Variants in RBMS2 observed in about 807,000 individuals in gnomAD.
RBMS2 encodes the protein RNA-binding motif, single-stranded-interacting protein 2.
A neutral mutation model predicts 58.4 loss-of-function variants in RBMS2; 38 were observed. That is an observed-to-expected ratio of 0.65 (90% CI 0.50 to 0.85). The LOEUF is 0.85. Among genes scored for constraint, RBMS2 ranks in the 40% least tolerant of loss-of-function variants. The pLI, the probability that RBMS2 is intolerant of heterozygous loss-of-function variation, is 0.00. For synonymous variants in RBMS2, 151 were observed against 180.7 expected (o/e 0.84, Z 1.32); for missense variants, 367 against 503.7 (o/e 0.73, Z 2.60).
intron 1 of RBMS2, among the ~76,000 whole-genome samples, chr12:56,542,705 T>C (rs1363853114): frequency 1.3e-5 from 2 of 151,374 alleles, no homozygotes; most frequent in Non-Finnish European, 2.9e-5. Flanking sequence ...CACACCACTA[T>C]GTTAGGCTAA....
chr12:56,536,504 C>G (rs929887228), intron 1 of RBMS2, among the ~76,000 whole-genome samples: 2 of 149,184 alleles, frequency 1.3e-5, no homozygotes, highest in Admixed American at 6.8e-5. Context: ...TCTTTTCCTT[C>G]CTTCCTTCCT....
intron 1 of RBMS2, among the ~76,000 whole-genome samples, chr12:56,542,025 A>G (rs955750455): frequency 1.3e-5 from 2 of 150,212 alleles, no homozygotes; most frequent in African/African-American, 4.9e-5. Context: ...TTCCATTTTC[A>G]CTTATTAGAT....
chr12:56,545,438 G>A (rs557283249), intron 1 of RBMS2, among the ~76,000 whole-genome samples: 1 of 152,224 alleles, frequency 6.6e-6, no homozygotes, highest in Admixed American at 6.5e-5. Flanking sequence ...ACAGTTTAAA[G>A]TTCACACATC....
intron 12 of RBMS2, 161 bp from the exon 13 acceptor site, chr12:56,588,771 G>C: frequency 1.4e-6 from 1 of 697,802 alleles, no homozygotes. Context: ...CTGTAGGAAG[G>C]TTGGGGAAGT....
At chr12:56,523,307 G>A (rs902247464) in intron 1 of RBMS2, among the ~76,000 whole-genome samples, 9 of 152,126 alleles carry the variant, frequency 5.9e-5, no homozygotes, top group Non-Finnish European at 1.2e-4. Flanking sequence ...TGATAAAGTT[G>A]TACTGTATAT....
At chr12:56,558,980 C>T (rs1484308360) in intron 1 of RBMS2, among the ~76,000 whole-genome samples, 1 of 152,110 alleles carries the variant, frequency 6.6e-6, no homozygotes, top group Non-Finnish European at 1.5e-5. Context: ...AACCTCCCAC[C>T]TCAACCCCCT....
At position 56,589,953 on chromosome 12, in the gene RBMS2, A is replaced by G. The variant is rs1278856991; in HGVS notation, c.*820A>G. The G allele has an allele frequency of 2.0e-5, 3 of 152,290 alleles. No individual in the cohort carries two copies. Among genetic ancestry groups the G allele is most frequent in the African/African-American group, 7.2e-5 (3 of 41,428 alleles). The allele number at this position is 152,290 out of a possible 1,614,324, so 9.4% of individuals were successfully genotyped here. On this transcript the variant is annotated 3_prime_UTR_variant, in exon 14 of 14. Coordinates refer to ENST00000262031, the MANE Select transcript of RBMS2 (RefSeq NM_002898.4). The stretch of plus-strand genomic sequence containing the variant: ...CCCCCACCCTGCCACACCCTGGGAG[A>G]AAAAACTAGACTTTGGCTTCAGAAA...
rs145488276 is a variant in RBMS2, at chr12:56,570,368, G to A, written c.384+378G>A. On this transcript the variant is annotated intron_variant, in intron 4 of 13. Transcript: ENST00000262031. ...GTCAATTGTGCAACTCAGAATTTCA[G>A]AACAATGCTCTCCACCTCCTAATGT... 1.5e-3 allele frequency among the ~76,000 whole-genome samples: 233 copies of A among 152,266 alleles called. 3 individuals carry two copies. Among genetic ancestry groups the A allele is most frequent in the African/African-American group, 5.0e-3 (206 of 41,550 alleles).
chr12:56,544,933 AG>A (rs1876885402), intron 1 of RBMS2, among the ~76,000 whole-genome samples: 1 of 151,700 alleles, frequency 6.6e-6, no homozygotes, highest in Non-Finnish European at 1.5e-5. Flanking sequence ...AAATTTCAAT[AG>A]TTTTTGGGGT....
Position 56,586,867 on chromosome 12 carries a change from C to T in RBMS2, c.892C>T (p.Pro298Ser), listed in dbSNP as rs779034318. Residue 298 changes from proline to serine, a missense_variant, in exon 10 of 14, where the codon CCT (proline) becomes TCT (serine). This residue lies in a region of RBMS2 where 220 missense variants were observed against 261.1 expected (regional missense o/e 0.84). Coordinates refer to ENST00000262031, the MANE Select transcript of RBMS2 (RefSeq NM_002898.4). ...GTTTTAGAGAGTGACTCAGACATCT[C>T]CTCTACAAGTACCTAACCCATCCTG... ...SSYQRVTQTSPLQVPNPSWMH... is the reference protein window; with the variant it reads ...SSYQRVTQTSSLQVPNPSWMH... The T allele has an allele frequency of 1.2e-6, 2 of 1,613,610 alleles. No individual in the cohort carries two copies. Among genetic ancestry groups the T allele is most frequent in the African/African-American group, 1.3e-5 (1 of 75,032 alleles).
intron 2 of RBMS2, among the ~76,000 whole-genome samples, chr12:56,567,857 A>G (rs745789161): frequency 8.6e-5 from 13 of 151,874 alleles, no homozygotes; most frequent in Non-Finnish European, 1.9e-4. Flanking sequence ...TTTTTTTTTT[A>G]ATACTACAGT....
intron 1 of RBMS2, among the ~76,000 whole-genome samples, chr12:56,527,083 G>A (rs1171114353): frequency 6.6e-6 from 1 of 152,156 alleles, no homozygotes; most frequent in African/African-American, 2.4e-5. Flanking sequence ...TGAGAAGCTT[G>A]TTACCTGAGA....
Position 56,572,453 on chromosome 12 carries a change from G to A in RBMS2, c.542+598G>A, listed in dbSNP as rs866464263. ...TGATCCTCCTGCCTCAGCCACCTAA[G>A]CAGTTGGGATTACAGGCATGAGCCA... is the stretch of plus-strand genomic sequence containing the variant. On this transcript the variant is annotated intron_variant, in intron 5 of 13. Coordinates refer to ENST00000262031, the MANE Select transcript of RBMS2 (RefSeq NM_002898.4). Among the ~76,000 whole-genome samples the A allele has an allele frequency of 2.0e-5, 3 of 152,036 alleles. No homozygotes were observed. The South Asian group carries it at 6.2e-4, about 32-fold the overall frequency.
chr12:56,530,233 G>A (rs961554613), intron 1 of RBMS2, among the ~76,000 whole-genome samples: 2 of 151,500 alleles, frequency 1.3e-5, no homozygotes, highest in African/African-American at 2.4e-5. Context: ...AATGGGTGAC[G>A]TGTATGGTAT....
intron 2 of RBMS2, among the ~76,000 whole-genome samples, chr12:56,568,381 C>A (rs1881720021): frequency 1.3e-5 from 2 of 152,308 alleles, no homozygotes; most frequent in African/African-American, 4.8e-5. Flanking sequence ...CCCCAAAAGA[C>A]AGTCATCTCT....
chr12:56,552,841 CA>C (rs1428773748), intron 1 of RBMS2, among the ~76,000 whole-genome samples: 1 of 147,556 alleles, frequency 6.8e-6, no homozygotes, highest in Non-Finnish European at 1.5e-5. Flanking sequence ...GACCCTGTCT[CA>C]AAAAATAAAT....
chr12:56,572,799 G>A lies in RBMS2; in HGVS notation c.542+944G>A, dbSNP rs553351370. 185 of 985,264 alleles carry A rather than the reference G, an allele frequency of 1.9e-4. 2 individuals carry two copies. The South Asian group carries it at 7.5e-3, about 40-fold the overall frequency. The allele number at this position is 985,264 out of a possible 1,614,324, so 61.0% of individuals were successfully genotyped here. On this transcript the variant is annotated intron_variant, in intron 5 of 13. Coordinates refer to ENST00000262031, the MANE Select transcript of RBMS2 (RefSeq NM_002898.4). Reference sequence around the variant, plus strand: ...TGATCTTCCTTTTCAGATCTGTTGGGAGACCTGTATTCCAGAACAATTCTG... The same window carrying A: ...TGATCTTCCTTTTCAGATCTGTTGGAAGACCTGTATTCCAGAACAATTCTG...
intron 2 of RBMS2, among the ~76,000 whole-genome samples, chr12:56,568,539 C>CTTTTTTTTTT (rs1257717979): frequency 1.5e-5 from 2 of 136,086 alleles, no homozygotes. Flanking sequence ...TCTTTTTTTT[C>CTTTTTTTTTT]TTTTTTTTTT....
chr12:56,547,488 A>G (rs1379661193), intron 1 of RBMS2, among the ~76,000 whole-genome samples: 3 of 152,142 alleles, frequency 2.0e-5, no homozygotes, highest in Non-Finnish European at 4.4e-5. Context: ...TGGGCACATA[A>G]TGAGTCTCTG....
Sources: allele counts gnomAD v4.1 joint callset (sites outside exome capture counted in the v4.1 genomes callset), GRCh38; gene constraint gnomAD v4.1.1; regional missense constraint gnomAD v4.1.1; transcripts MANE v1.5; gene names NCBI Gene and HGNC (gene_info 2026-07-23, HGNC 2026-07-21).